Variants in RBPJ observed in about 807,000 individuals in gnomAD.
The protein encoded by RBPJ is recombination signal binding protein for immunoglobulin kappa J region.
Under a neutral mutation model 67.8 loss-of-function variants are expected in RBPJ, and 9 were observed. That is an observed-to-expected ratio of 0.13 (90% CI 0.08 to 0.23). The LOEUF (loss-of-function observed/expected upper bound fraction) is 0.23. Among genes scored for constraint, RBPJ ranks in the 10% least tolerant of loss-of-function variants. RBPJ has a pLI of 1.00. For missense variants in RBPJ, 305 were observed against 595.6 expected (o/e 0.51, Z 5.08); for synonymous variants, 198 against 203.3 (o/e 0.97, Z 0.22).
intron 1 of RBPJ, among the ~76,000 whole-genome samples, chr4:26,242,446 C>CAA (rs111654269): frequency 2.5e-4 from 28 of 112,108 alleles, no homozygotes; most frequent in East Asian, 4.9e-4. Flanking sequence ...GACTCTGTCT[C>CAA]AAAAAAAAAA....
At chr4:26,413,852 TAAG>T (rs1414304887) in intron 3 of RBPJ, among the ~76,000 whole-genome samples, 1 of 152,172 alleles carries the variant, frequency 6.6e-6, no homozygotes, top group Non-Finnish European at 1.5e-5. Context: ...AGAGTGTTAA[TAAG>T]TGTAAATTAG....
chr4:26,220,854 G>A (rs1369175600), intron 1 of RBPJ, among the ~76,000 whole-genome samples: 3 of 152,218 alleles, frequency 2.0e-5, no homozygotes, highest in African/African-American at 7.2e-5. Flanking sequence ...TGAGGTCCAG[G>A]ATTTATTTCA....
chr4:26,241,394 A>G (rs527858823), intron 1 of RBPJ, among the ~76,000 whole-genome samples: 2 of 152,186 alleles, frequency 1.3e-5, no homozygotes, highest in Non-Finnish European at 2.9e-5. Flanking sequence ...GCATGAAGAA[A>G]ATTCCAGGCA....
chr4:26,130,740 G>A, the RBPJ span, among the ~76,000 whole-genome samples: 13 of 152,286 alleles, frequency 8.5e-5, no homozygotes, highest in East Asian at 3.9e-4. Context: ...GAGAGTTGAT[G>A]TGAATTATGT....
intron 2 of RBPJ, among the ~76,000 whole-genome samples, chr4:26,393,561 G>A (rs1239595244): frequency 6.6e-6 from 1 of 152,040 alleles, no homozygotes; most frequent in Non-Finnish European, 1.5e-5. Context: ...TTTTTGTAGA[G>A]ACAGGATTTC....
At chr4:26,302,679 G>C (rs1231373527) in intron 1 of RBPJ, among the ~76,000 whole-genome samples, 1 of 152,200 alleles carries the variant, frequency 6.6e-6, no homozygotes, top group Non-Finnish European at 1.5e-5. Flanking sequence ...ATGAGCTAGG[G>C]AAAGTTTCTT....
At chr4:26,254,198 C>T (rs1436423847) in intron 1 of RBPJ, among the ~76,000 whole-genome samples, 1 of 148,790 alleles carries the variant, frequency 6.7e-6, no homozygotes. Flanking sequence ...TCCAATGTGT[C>T]AATCAAATCA....
chr4:26,418,536 G>A (rs927224899), intron 4 of RBPJ, among the ~76,000 whole-genome samples: 1 of 152,066 alleles, frequency 6.6e-6, no homozygotes, highest in Admixed American at 6.5e-5. Context: ...ACAAAATGCA[G>A]TTCTTTTTGT....
chr4:26,261,969 A>C (rs2109251284), intron 1 of RBPJ, among the ~76,000 whole-genome samples: 1 of 152,278 alleles, frequency 6.6e-6, no homozygotes, highest in South Asian at 2.1e-4. Flanking sequence ...TGTTTGAGAC[A>C]GGATCTTGCT....
chr4:26,272,673 C>A (rs1201767649), intron 1 of RBPJ: 1 of 452,496 alleles, frequency 2.2e-6, no homozygotes, highest in Non-Finnish European at 4.5e-6. Flanking sequence ...CAAAGTGATT[C>A]ATTCTTCCTG....
chr4:26,350,067 A>T (rs1426952532), intron 1 of RBPJ, among the ~76,000 whole-genome samples: 1 of 152,182 alleles, frequency 6.6e-6, no homozygotes, highest in East Asian at 1.9e-4. Context: ...TCTAGCTCTG[A>T]ACCTACAAGA....
chr4:26,390,172 A>G (rs896103140), intron 2 of RBPJ, among the ~76,000 whole-genome samples: 1 of 152,222 alleles, frequency 6.6e-6, no homozygotes, highest in Non-Finnish European at 1.5e-5. Flanking sequence ...GGAAAATCAT[A>G]TAGTTATCTC....
Position 26,433,034 on chromosome 4 carries a change from G to T in RBPJ, c.*2027G>T, listed in dbSNP as rs567143985. 1 of 152,042 alleles carries T rather than the reference G, an allele frequency of 6.6e-6. No homozygotes were observed. Among genetic ancestry groups the T allele is most frequent in the African/African-American group, 2.4e-5 (1 of 41,380 alleles). The allele number at this position is 152,042 out of a possible 1,614,324, so 9.4% of individuals were successfully genotyped here. Reference sequence around the variant, plus strand: ...GTTAGGTGGTTAAATCAGTTATTGCGGTTTTCTCTTACTGCAAGCCTTTTT... The same window carrying T: ...GTTAGGTGGTTAAATCAGTTATTGCTGTTTTCTCTTACTGCAAGCCTTTTT... On this transcript the variant is annotated 3_prime_UTR_variant, in exon 11 of 11. Transcript: ENST00000355476.
At chr4:26,109,475 TATATATATATATATATAC>T in the RBPJ span, among the ~76,000 whole-genome samples, 20 of 49,850 alleles carry the variant, frequency 4.0e-4, no homozygotes, top group Non-Finnish European at 5.9e-4. Context: ...TATATATATA[TATATATATATATATATAC>T]ACACACACAT....
chr4:26,186,608 GA>G (rs1717272518), intron 1 of RBPJ, among the ~76,000 whole-genome samples: 2 of 152,168 alleles, frequency 1.3e-5, no homozygotes, highest in Non-Finnish European at 2.9e-5. Flanking sequence ...GTGAGGTGCT[GA>G]GATGTACAGG....
the RBPJ span, among the ~76,000 whole-genome samples, chr4:26,109,775 TA>T: frequency 4.2e-3 from 623 of 147,384 alleles, 6 homozygotes; most frequent in Non-Finnish European, 5.4e-3. Context: ...TTGACATTAT[TA>T]AAAAAAACGA....
At chr4:26,359,506 C>T (rs1407785926) in intron 1 of RBPJ, among the ~76,000 whole-genome samples, 1 of 149,544 alleles carries the variant, frequency 6.7e-6, no homozygotes, top group Non-Finnish European at 1.5e-5. Flanking sequence ...CGGTTCTGGG[C>T]TCGGGTGGGG....
At chr4:26,147,178 C>G in the RBPJ span, among the ~76,000 whole-genome samples, 1 of 152,188 alleles carries the variant, frequency 6.6e-6, no homozygotes, top group Admixed American at 6.5e-5. Context: ...TTCTTAGTTG[C>G]AAACAGTAAA....
At chr4:26,230,943 C>A (rs575524182) in intron 1 of RBPJ, among the ~76,000 whole-genome samples, 3 of 152,116 alleles carry the variant, frequency 2.0e-5, no homozygotes, top group African/African-American at 7.2e-5. Flanking sequence ...ATTTTTAGCA[C>A]GTCACCCAGA....
Sources: gnomAD v4.1 joint callset for allele counts (sites outside exome capture counted in the v4.1 genomes callset) on GRCh38, gnomAD v4.1.1 for gene constraint, MANE v1.5 for transcripts, NCBI Gene and HGNC (gene_info 2026-07-23, HGNC 2026-07-21) for gene names.